CELF2: variants seen among roughly 807,000 people sequenced by gnomAD.
The protein encoded by CELF2 is CUGBP Elav-like family member 2.
In CELF2, 8 loss-of-function variants were observed where a neutral mutation model predicts 62.6. The ratio of observed to expected loss-of-function variants is 0.13; its 90% CI spans 0.07 to 0.23. The LOEUF is 0.23. Ranked by LOEUF, CELF2 falls within the 10% of genes least tolerant of loss-of-function variation. The pLI is 1.00. For synonymous variants in CELF2, 258 were observed against 250.0 expected (o/e 1.03, Z -0.30); for missense variants, 333 against 671.0 (o/e 0.50, Z 5.56).
chr10:10,562,600 C>A, the CELF2 span, among the ~76,000 whole-genome samples: 4 of 152,288 alleles, frequency 2.6e-5, no homozygotes, highest in South Asian at 4.2e-4. Flanking sequence ...GCGACCTCAC[C>A]GTGTCTCCCT....
intron 1 of CELF2, among the ~76,000 whole-genome samples, chr10:11,135,950 C>T (rs939965681): frequency 6.6e-6 from 1 of 152,194 alleles, no homozygotes; most frequent in Non-Finnish European, 1.5e-5. Flanking sequence ...GGACCACACT[C>T]ATGAGTAACT....
chr10:10,525,235 C>T, the CELF2 span, among the ~76,000 whole-genome samples: 2 of 152,196 alleles, frequency 1.3e-5, no homozygotes, highest in Admixed American at 6.5e-5. Context: ...ACAGTTCATT[C>T]TTCCTGCCTT....
intron 2 of CELF2, among the ~76,000 whole-genome samples, chr10:11,176,950 A>G (rs1380401414): frequency 6.6e-6 from 1 of 152,156 alleles, no homozygotes. Flanking sequence ...TTAATGCAGA[A>G]TGTCTAAGCA....
chr10:10,658,116 G>A, the CELF2 span, among the ~76,000 whole-genome samples: 4 of 152,092 alleles, frequency 2.6e-5, no homozygotes, highest in African/African-American at 9.7e-5. Flanking sequence ...TTCCCCTGTT[G>A]AGAATGGTTA....
intron 1 of CELF2, chr10:10,798,847 T>C: frequency 2.5e-6 from 1 of 398,914 alleles, no homozygotes; most frequent in Non-Finnish European, 4.4e-6. Context: ...TCTTGCATCC[T>C]GGTTTGAGTT....
chr10:10,506,036 T>C, the CELF2 span, among the ~76,000 whole-genome samples: 10 of 152,192 alleles, frequency 6.6e-5, no homozygotes, highest in Non-Finnish European at 1.5e-4. Context: ...TAAGGAAAAG[T>C]GTGTCTACTC....
chr10:11,219,952 C>T (rs979632306), intron 3 of CELF2, among the ~76,000 whole-genome samples: 7 of 152,126 alleles, frequency 4.6e-5, no homozygotes. Context: ...CATTAAATAC[C>T]AAGTGAGTTC....
chr10:10,578,885 T>G, the CELF2 span, among the ~76,000 whole-genome samples: 1 of 152,256 alleles, frequency 6.6e-6, no homozygotes, highest in South Asian at 2.1e-4. Flanking sequence ...ACACTTTAGG[T>G]TGTTGATGCT....
intron 2 of CELF2, among the ~76,000 whole-genome samples, chr10:10,979,053 C>T (rs2051721550): frequency 6.6e-6 from 1 of 152,186 alleles, no homozygotes; most frequent in African/African-American, 2.4e-5. Flanking sequence ...GTTCTCTGCC[C>T]TTGGAGAATT....
chr10:10,770,389 A>G, the CELF2 span, among the ~76,000 whole-genome samples: 1 of 152,008 alleles, frequency 6.6e-6, no homozygotes, highest in Admixed American at 6.6e-5. Flanking sequence ...GGCTAACTGC[A>G]GGACTGACCT....
At chr10:10,786,018 A>G in the CELF2 span, among the ~76,000 whole-genome samples, 1 of 152,158 alleles carries the variant, frequency 6.6e-6, no homozygotes, top group Non-Finnish European at 1.5e-5. Context: ...TTTATTTGTC[A>G]ATTAGAAAAA....
the CELF2 span, among the ~76,000 whole-genome samples, chr10:10,499,750 C>T: frequency 1.1e-4 from 17 of 152,192 alleles, no homozygotes; most frequent in South Asian, 2.1e-4. Context: ...TGGTGGCATG[C>T]GCCTGTAATC....
chr10:11,126,727 T>A (rs1039686707), intron 1 of CELF2, among the ~76,000 whole-genome samples: 1 of 152,184 alleles, frequency 6.6e-6, no homozygotes, highest in African/African-American at 2.4e-5. Flanking sequence ...ATTTCATAAG[T>A]TTCATAATAT....
At chr10:10,880,143 G>T (rs2061357877) in intron 1 of CELF2, among the ~76,000 whole-genome samples, 1 of 152,166 alleles carries the variant, frequency 6.6e-6, no homozygotes. Context: ...ACATCGCCAT[G>T]ATTTGAGAAA....
At chr10:11,325,065 G>A (rs2095653108) in intron 11 of CELF2, among the ~76,000 whole-genome samples, 1 of 152,202 alleles carries the variant, frequency 6.6e-6, no homozygotes, top group South Asian at 2.1e-4. Flanking sequence ...CAGCTTAGGA[G>A]CACGCACCTC....
the CELF2 span, among the ~76,000 whole-genome samples, chr10:10,793,091 A>C: frequency 1.8e-3 from 280 of 152,312 alleles, 2 homozygotes; most frequent in South Asian, 0.013. Flanking sequence ...TCTTTTGCAT[A>C]TATGTAGCAG....
intron 1 of CELF2, among the ~76,000 whole-genome samples, chr10:10,813,752 C>T (rs1042275244): frequency 6.6e-5 from 10 of 152,198 alleles, no homozygotes; most frequent in African/African-American, 2.4e-4. Flanking sequence ...TCCAATAAAA[C>T]TTACAGTTTT....
chr10:11,051,271 C>A (rs1028160098), intron 1 of CELF2, among the ~76,000 whole-genome samples: 1 of 152,206 alleles, frequency 6.6e-6, no homozygotes, highest in Non-Finnish European at 1.5e-5. Context: ...GATACAGATG[C>A]TATCTTGAAA....
At chr10:10,837,356 G>T (rs1433108357) in intron 1 of CELF2, among the ~76,000 whole-genome samples, 1 of 152,112 alleles carries the variant, frequency 6.6e-6, no homozygotes, top group Non-Finnish European at 1.5e-5. Context: ...CCGCATGATT[G>T]TGAGCCCTCC....
Sources: allele counts gnomAD v4.1 joint callset (sites outside exome capture counted in the v4.1 genomes callset), GRCh38; gene constraint gnomAD v4.1.1; transcripts MANE v1.5; gene names NCBI Gene and HGNC (gene_info 2026-07-23, HGNC 2026-07-21).